Variants in DIPK1A observed in about 807,000 individuals in gnomAD.
The protein encoded by DIPK1A is divergent protein kinase domain 1A, also known as family with sequence similarity 69 member A.
A neutral mutation model predicts 40.8 loss-of-function variants in DIPK1A; 27 were observed. The ratio of observed to expected loss-of-function variants is 0.66; its 90% CI spans 0.49 to 0.91. The LOEUF is 0.91. Among genes scored for constraint, DIPK1A ranks in the 40% least tolerant of loss-of-function variants. The pLI is 0.00. For synonymous variants in DIPK1A, 166 were observed against 171.3 expected (o/e 0.97, Z 0.24); for missense variants, 412 against 505.7 (o/e 0.81, Z 1.78).
intron 1 of DIPK1A, among the ~76,000 whole-genome samples, chr1:92,926,891 G>C (rs748419944): frequency 3.9e-5 from 6 of 152,060 alleles, no homozygotes; most frequent in Non-Finnish European, 8.8e-5. Flanking sequence ...CTTTTGTTAA[G>C]TGCATGCCTT....
chr1:92,912,857 T>C (rs899241201), intron 1 of DIPK1A, among the ~76,000 whole-genome samples: 4 of 151,924 alleles, frequency 2.6e-5, no homozygotes, highest in African/African-American at 9.7e-5. Context: ...TCCCAGCACT[T>C]TGGGAGGGCG....
chr1:92,844,940 C>CTTTTTTTTTTTTTTT (rs71094206), intron 4 of DIPK1A, among the ~76,000 whole-genome samples: 1 of 94,080 alleles, frequency 1.1e-5, no homozygotes, highest in Non-Finnish European at 2.0e-5. Context: ...ATTAGTATTT[C>CTTTTTTTTTTTTTTT]TTTTTTTTTT....
intron 1 of DIPK1A, among the ~76,000 whole-genome samples, chr1:92,953,962 T>G (rs895504013): frequency 2.0e-5 from 3 of 151,920 alleles, no homozygotes; most frequent in Non-Finnish European, 2.9e-5. Context: ...CATTCCATGA[T>G]CACACCTAAG....
Position 92,872,069 on chromosome 1 carries a change from C to CTTTT in DIPK1A, c.189+4223_189+4226dup, listed in dbSNP as rs148010880. On this transcript the variant is annotated intron_variant, in intron 2 of 4. Transcript: ENST00000370310. Reference sequence around the variant, plus strand: ...TTTTCCTGATTCTTTTTCTTTAAATCTTTTTTTTTTTTTTTTTTTTTTTTT... The same window carrying CTTTT: ...TTTTCCTGATTCTTTTTCTTTAAATCTTTTTTTTTTTTTTTTTTTTTTTTTTTTT... 7.6e-3 allele frequency among the ~76,000 whole-genome samples: 519 copies of CTTTT among 67,970 alleles called. 68 individuals are homozygous for CTTTT. Among genetic ancestry groups the CTTTT allele is most frequent in the Non-Finnish European group, 0.01 (404 of 39,120 alleles). 44.6% of individuals were successfully genotyped at this position (67,970 alleles called of 152,430 possible).
Position 92,853,241 on chromosome 1 carries a change from A to T in DIPK1A, c.190-2286T>A, listed in dbSNP as rs184175602. ...AATGGGAACAAGTGGAAAAGAAAAA[A>T]TATTCAAAGTAGAATTCAAGGGAAA... is the stretch of plus-strand genomic sequence containing the variant. On this transcript the variant is annotated intron_variant, in intron 2 of 4. Transcript: ENST00000370310. 5.6e-4 allele frequency among the ~76,000 whole-genome samples: 85 copies of T among 152,356 alleles called. 2 individuals carry two copies. The highest frequency in any genetic ancestry group is 5.4e-3 in the Admixed American group (83 of 15,302).
At chr1:92,911,340 G>A (rs1345460446) in intron 1 of DIPK1A, among the ~76,000 whole-genome samples, 1 of 152,122 alleles carries the variant, frequency 6.6e-6, no homozygotes, top group East Asian at 1.9e-4. Context: ...TATGAGCCAG[G>A]AAATGGATTT....
chr1:92,865,324 C>CTATGA (rs1471119526), intron 2 of DIPK1A, among the ~76,000 whole-genome samples: 18 of 152,004 alleles, frequency 1.2e-4, no homozygotes, highest in Non-Finnish European at 2.5e-4. Context: ...GATCCTGCCA[C>CTATGA]TACACTCCAG....
chr1:92,849,673 C>T (rs1168111392), intron 3 of DIPK1A, among the ~76,000 whole-genome samples: 1 of 151,804 alleles, frequency 6.6e-6, no homozygotes, highest in Non-Finnish European at 1.5e-5. Flanking sequence ...CCACCACACC[C>T]GGCTAATTTT....
chr1:92,928,252 T>A (rs559950465), intron 1 of DIPK1A, among the ~76,000 whole-genome samples: 5 of 152,350 alleles, frequency 3.3e-5, no homozygotes, highest in Non-Finnish European at 7.3e-5. Context: ...TATACATCCA[T>A]AACTAATACA....
In DIPK1A at chr1:92,922,333, C is replaced by CTTTTT. The variant is rs368331487; in HGVS notation, c.54+39038_54+39042dup. 3.7e-3 allele frequency among the ~76,000 whole-genome samples: 538 copies of CTTTTT among 144,670 alleles called. 6 individuals are homozygous for CTTTTT. Among genetic ancestry groups the CTTTTT allele is most frequent in the African/African-American group, 0.011 (447 of 39,330 alleles). 94.9% of individuals were successfully genotyped at this position (144,670 alleles called of 152,430 possible). ...GTTTTTTTGGAGAAATTTTTCTTTTCTTTTTTTTTTAGCATTATTGTACTG... is the reference window on the plus strand; with the variant it reads ...GTTTTTTTGGAGAAATTTTTCTTTTCTTTTTTTTTTTTTTTAGCATTATTGTACTG... On this transcript the variant is annotated intron_variant, in intron 1 of 4. Transcript: ENST00000370310.
intron 1 of DIPK1A, among the ~76,000 whole-genome samples, chr1:92,901,871 A>G (rs1172479025): frequency 2.6e-5 from 4 of 152,112 alleles, no homozygotes; most frequent in Non-Finnish European, 1.5e-5. Flanking sequence ...GCAGGGTACT[A>G]AAGTTGTCTG....
In DIPK1A at chr1:92,842,672, T is replaced by TG; in HGVS notation, c.*710dup. 1 of 985,452 alleles carries TG rather than the reference T, an allele frequency of 1.0e-6. No homozygotes were observed. Among genetic ancestry groups the TG allele is most frequent in the Middle Eastern group, 5.2e-4 (1 of 1,914 alleles). The allele number at this position is 985,452 out of a possible 1,614,324, so 61.0% of individuals were successfully genotyped here. ...TGTGGATCTTGATTGGGCCTTAAGA[T>TG]GTCAGTTTTGAAGGGCTCAGTCAGC... On this transcript the variant is annotated 3_prime_UTR_variant, in exon 5 of 5. Transcript: ENST00000370310.
chr1:92,874,083 G>C (rs1266008283), intron 2 of DIPK1A, among the ~76,000 whole-genome samples: 1 of 152,066 alleles, frequency 6.6e-6, no homozygotes. Context: ...GACTCAGAAA[G>C]CTCTTTCATT....
At position 92,934,481 on chromosome 1, in the gene DIPK1A, G is replaced by A. The variant is rs1463552318; in HGVS notation, c.54+26895C>T. 2.0e-5 allele frequency among the ~76,000 whole-genome samples: 3 copies of A among 151,918 alleles called. No homozygotes were observed. In the East Asian group the frequency reaches 5.8e-4, roughly 29 times the overall value. ...TAGGAGACTAGTTTAAAATCAAAAA[G>A]TTATGCATGAGAAAAGCTAAAATGA... On this transcript the variant is annotated intron_variant, in intron 1 of 4. Coordinates refer to ENST00000370310, the MANE Select transcript of DIPK1A (RefSeq NM_001006605.5).
intron 1 of DIPK1A, among the ~76,000 whole-genome samples, chr1:92,952,521 G>A (rs1339536960): frequency 1.3e-5 from 2 of 152,138 alleles, no homozygotes; most frequent in Non-Finnish European, 2.9e-5. Flanking sequence ...TTGGGAGGCT[G>A]AGGTGGGAGA....
chr1:92,872,898 C>A (rs1047323344), intron 2 of DIPK1A, among the ~76,000 whole-genome samples: 3 of 152,158 alleles, frequency 2.0e-5, no homozygotes, highest in Admixed American at 6.5e-5. Flanking sequence ...GGTTTTTAAC[C>A]TCTCATTCTG....
At chr1:92,867,215 CTTT>C (rs5776161) in intron 2 of DIPK1A, among the ~76,000 whole-genome samples, 36 of 125,624 alleles carry the variant, frequency 2.9e-4, no homozygotes, top group Admixed American at 5.8e-4. Context: ...TACTCCAATT[CTTT>C]TTTTTTTTTT....
intron 1 of DIPK1A, among the ~76,000 whole-genome samples, chr1:92,955,734 G>GA (rs975761672): frequency 1.8e-4 from 26 of 143,920 alleles, no homozygotes; most frequent in South Asian, 2.3e-4. Context: ...AAAGAAAAAA[G>GA]AAAAAAAAAT....
intron 1 of DIPK1A, among the ~76,000 whole-genome samples, chr1:92,898,531 G>C (rs924082865): frequency 6.6e-6 from 1 of 152,132 alleles, no homozygotes. Flanking sequence ...GATAGAGTGC[G>C]GTGGTATGAA....
Sources: allele counts gnomAD v4.1 joint callset (sites outside exome capture counted in the v4.1 genomes callset), GRCh38; gene constraint gnomAD v4.1.1; transcripts MANE v1.5; gene names NCBI Gene and HGNC (gene_info 2026-07-23, HGNC 2026-07-21).